PRRG1: variants seen among roughly 807,000 people sequenced by gnomAD.
PRRG1 encodes the protein transmembrane gamma-carboxyglutamic acid protein 1.
A neutral mutation model predicts 11.8 loss-of-function variants in PRRG1; 5 were observed. The observed-to-expected ratio is 0.42, with a 90% CI of 0.22 to 0.89. PRRG1 has a LOEUF of 0.89. Ranked by LOEUF, PRRG1 falls within the 40% of genes least tolerant of loss-of-function variation. The pLI, the probability that PRRG1 is intolerant of heterozygous loss-of-function variation, is 0.28. For missense variants in PRRG1, 155 were observed against 166.1 expected (o/e 0.93, Z 0.37); for synonymous variants, 66 against 60.4 (o/e 1.09, Z -0.43).
At chrX:37,367,516 G>T (rs1166988190) in intron 1 of PRRG1, among the ~76,000 whole-genome samples, 2 of 110,945 alleles carry the variant, frequency 1.8e-5, no homozygotes, top group Non-Finnish European at 1.9e-5. Context: ...AGGGAACTTG[G>T]ATCATGATTG....
At chrX:37,409,327 C>G (rs1932291695) in intron 2 of PRRG1, among the ~76,000 whole-genome samples, 1 of 111,870 alleles carries the variant, frequency 8.9e-6, no homozygotes, top group African/African-American at 3.2e-5. Context: ...AGGAATTGGT[C>G]TTGCTGTCTT....
At chrX:37,364,815 T>C (rs889340489) in intron 1 of PRRG1, among the ~76,000 whole-genome samples, 24 of 112,009 alleles carry the variant, frequency 2.1e-4, no homozygotes, top group Non-Finnish European at 4.3e-4. Flanking sequence ...GGCATGTGGT[T>C]TTGCTTCTCT....
chrX:37,411,987 A>G (rs1469139139), intron 2 of PRRG1, among the ~76,000 whole-genome samples: 1 of 111,612 alleles, frequency 9.0e-6, no homozygotes, highest in African/African-American at 3.3e-5. Flanking sequence ...GTCTTTGGAA[A>G]TAGGTCTTAC....
intron 1 of PRRG1, among the ~76,000 whole-genome samples, chrX:37,380,513 A>T (rs1368566426): frequency 9.0e-6 from 1 of 111,233 alleles, no homozygotes; most frequent in Non-Finnish European, 1.9e-5. Context: ...AACAGGTATG[A>T]TTATTCACCT....
At chrX:37,415,363 A>T (rs1932466984) in intron 2 of PRRG1, among the ~76,000 whole-genome samples, 1 of 111,385 alleles carries the variant, frequency 9.0e-6, no homozygotes, top group Non-Finnish European at 1.9e-5. Flanking sequence ...AGCCGAGATC[A>T]TACCCCTGCA....
rs782308459 is a variant in PRRG1 at position 37,455,938 on chromosome X, G to A, written c.*2317G>A. 6 of 111,688 alleles carry A rather than the reference G, an allele frequency of 5.4e-5. No individual in the cohort carries two copies. Among genetic ancestry groups the A allele is most frequent in the Non-Finnish European group, 9.4e-5 (5 of 53,139 alleles). The allele number at this position is 111,688 out of a possible 1,213,427, so 9.2% of individuals were successfully genotyped here. On this transcript the variant is annotated 3_prime_UTR_variant, in exon 4 of 4. Coordinates refer to ENST00000378628, the MANE Select transcript of PRRG1 (RefSeq NM_001142395.2). Reference sequence around the variant, plus strand: ...CTGGGTTCCTTGAGAGCCTTTCAGGGGGGACTATGAGATCAAAATATTTTT... The same window carrying A: ...CTGGGTTCCTTGAGAGCCTTTCAGGAGGGACTATGAGATCAAAATATTTTT...
intron 1 of PRRG1, among the ~76,000 whole-genome samples, chrX:37,377,119 G>A (rs1021803983): frequency 9.0e-6 from 1 of 111,185 alleles, no homozygotes; most frequent in African/African-American, 3.3e-5. Context: ...TTTTCATCTT[G>A]CATTCATGTT....
chrX:37,398,955 A>G lies in PRRG1; in HGVS notation c.-41-7254A>G, dbSNP rs781849073. On this transcript the variant is annotated intron_variant, in intron 1 of 3. Coordinates refer to ENST00000378628, the MANE Select transcript of PRRG1 (RefSeq NM_001142395.2). ...AAAAAAGAATAAAAAGAAACGAACAAAGCCTCCAAGAAATATGGGACTATG... is the reference window on the plus strand; with the variant it reads ...AAAAAAGAATAAAAAGAAACGAACAGAGCCTCCAAGAAATATGGGACTATG... 8.1e-5 allele frequency among the ~76,000 whole-genome samples: 9 copies of G among 111,544 alleles called. No individual in the cohort carries two copies. The South Asian group carries it at 3.4e-3, about 42-fold the overall frequency.
chrX:37,378,884 G>A (rs1931064310), intron 1 of PRRG1, among the ~76,000 whole-genome samples: 2 of 110,035 alleles, frequency 1.8e-5, no homozygotes, highest in Non-Finnish European at 3.8e-5. Context: ...AGGTATCCTT[G>A]AAAATCATTA....
intron 1 of PRRG1, among the ~76,000 whole-genome samples, chrX:37,380,150 A>C (rs782399414): frequency 1.8e-5 from 2 of 111,672 alleles, no homozygotes; most frequent in African/African-American, 6.5e-5. Flanking sequence ...TGGAGATGGG[A>C]AAGTAGACAG....
At chrX:37,350,816 C>T (rs1233793949) in intron 1 of PRRG1, among the ~76,000 whole-genome samples, 1 of 111,019 alleles carries the variant, frequency 9.0e-6, no homozygotes, top group Admixed American at 9.5e-5. Flanking sequence ...CCAACCCCCA[C>T]CCCTGCACCA....
intron 1 of PRRG1, among the ~76,000 whole-genome samples, chrX:37,349,626 T>C (rs782806797): frequency 1.1e-3 from 122 of 109,534 alleles, no homozygotes; most frequent in African/African-American, 3.9e-3. Flanking sequence ...AGAAAAAAAA[T>C]TGAAGGAATG....
At chrX:37,436,494 G>A (rs1569448632) in intron 3 of PRRG1, among the ~76,000 whole-genome samples, 1 of 112,033 alleles carries the variant, frequency 8.9e-6, no homozygotes, top group Non-Finnish European at 1.9e-5. Context: ...GCAGGAGGTG[G>A]CATGTAGACA....
At chrX:37,438,129 T>C (rs1444281081) in intron 3 of PRRG1, among the ~76,000 whole-genome samples, 1 of 110,359 alleles carries the variant, frequency 9.1e-6, no homozygotes, top group Non-Finnish European at 1.9e-5. Flanking sequence ...GGAGAATCAC[T>C]TGAACCCAGG....
intron 1 of PRRG1, among the ~76,000 whole-genome samples, chrX:37,392,239 G>A (rs1334753538): frequency 4.5e-5 from 5 of 111,238 alleles, no homozygotes; most frequent in Admixed American, 9.6e-5. Context: ...TGTTTCTGTG[G>A]CTGCTTTCAT....
chrX:37,453,311 C>G lies in PRRG1; in HGVS notation c.347C>G (p.Thr116Ser). Residue 116 changes from threonine to serine, a missense_variant, in exon 4 of 4, where the codon ACT (threonine) becomes AGT (serine). Transcript: ENST00000378628. ...LRNKTRRQTV[T>S]EGHIPFPQHL... The stretch of plus-strand genomic sequence containing the variant: ...AACAAAACTCGTAGACAGACAGTGA[C>G]TGAAGGCCACATTCCTTTCCCTCAG... 1 of 1,208,265 alleles carries G rather than the reference C, an allele frequency of 8.3e-7. No homozygotes were observed. The highest frequency in any genetic ancestry group is 1.7e-5 in the African/African-American group (1 of 57,603).
At chrX:37,392,256 A>G (rs1405043901) in intron 1 of PRRG1, among the ~76,000 whole-genome samples, 1 of 111,474 alleles carries the variant, frequency 9.0e-6, no homozygotes, top group African/African-American at 3.3e-5. Context: ...TCATGCTATA[A>G]TAGTAGAGTT....
At chrX:37,411,058 A>T (rs73466265) in intron 2 of PRRG1, among the ~76,000 whole-genome samples, 1,508 of 112,087 alleles carry the variant, frequency 0.013, 32 homozygotes, top group African/African-American at 0.045. Context: ...TCAGCCTTCC[A>T]TATCTGTAGG....
At chrX:37,381,862 A>G (rs1556373851) in intron 1 of PRRG1, among the ~76,000 whole-genome samples, 1 of 111,614 alleles carries the variant, frequency 9.0e-6, no homozygotes, top group Non-Finnish European at 1.9e-5. Flanking sequence ...TGATATCCAG[A>G]AATATATAAC....
Sources: gnomAD v4.1 joint callset for allele counts (sites outside exome capture counted in the v4.1 genomes callset) on GRCh38, gnomAD v4.1.1 for gene constraint, MANE v1.5 for transcripts, NCBI Gene and HGNC (gene_info 2026-07-23, HGNC 2026-07-21) for gene names.